PPP2R2D: variants seen among roughly 807,000 people sequenced by gnomAD.
PPP2R2D encodes serine/threonine-protein phosphatase 2A 55 kDa regulatory subunit B delta isoform.
A neutral mutation model predicts 31.1 loss-of-function variants in PPP2R2D; 9 were observed. The ratio of observed to expected loss-of-function variants is 0.29; its 90% CI spans 0.17 to 0.51. The LOEUF (loss-of-function observed/expected upper bound fraction) is 0.51, where lower values mean the gene tolerates loss of function less well. PPP2R2D is among the 20% of genes least tolerant of loss of function. PPP2R2D has a pLI of 0.98. For missense variants in PPP2R2D, 391 were observed against 465.6 expected (o/e 0.84, Z 1.48); for synonymous variants, 179 against 172.6 (o/e 1.04, Z -0.29).
intron 2 of PPP2R2D, among the ~76,000 whole-genome samples, chr10:131,917,167 G>T (rs2035816404): frequency 6.8e-6 from 1 of 146,178 alleles, no homozygotes; most frequent in African/African-American, 2.6e-5. Flanking sequence ...TCAGGCGGGT[G>T]GAATGACACA....
Position 131,918,142 on chromosome 10 carries a change from C to T in PPP2R2D, c.101-16316C>T, listed in dbSNP as rs1300739302. Among the ~76,000 whole-genome samples the T allele has an allele frequency of 1.1e-3, 127 of 120,712 alleles. 2 individuals are homozygous for T. The highest frequency in any genetic ancestry group is 4.1e-3 in the African/African-American group (125 of 30,188). The allele number at this position is 120,712 out of a possible 152,430, so 79.2% of individuals were successfully genotyped here. On this transcript the variant is annotated intron_variant, in intron 2 of 8. Coordinates refer to ENST00000455566, the MANE Select transcript of PPP2R2D (RefSeq NM_018461.5). ...TGTCAGTGTTTGTAGGGACCTCAGG[C>T]GGATGGAATGACACAGTGTAGGGAC...
downstream of PPP2R2D, among the ~76,000 whole-genome samples, chr10:131,961,321 G>T (rs1295140129): frequency 6.6e-6 from 1 of 152,174 alleles, no homozygotes; most frequent in East Asian, 1.9e-4. Flanking sequence ...TGGGTGGAGT[G>T]TAGACCAGAT....
downstream of PPP2R2D, among the ~76,000 whole-genome samples, chr10:131,963,089 C>A (rs2036943969): frequency 6.6e-6 from 1 of 152,156 alleles, no homozygotes; most frequent in Non-Finnish European, 1.5e-5. Flanking sequence ...CACTTGAACC[C>A]AGGAGGCGGA....
At chr10:131,912,547 C>T (rs1421091679) in intron 2 of PPP2R2D, 2 of 152,286 alleles carry the variant, frequency 1.3e-5, no homozygotes, top group Non-Finnish European at 2.9e-5. Context: ...ACTGGGCTTT[C>T]TGCTCAGCCA....
intron 2 of PPP2R2D, among the ~76,000 whole-genome samples, chr10:131,922,775 A>G (rs570762066): frequency 1.4e-4 from 22 of 152,316 alleles, no homozygotes; most frequent in African/African-American, 5.3e-4. Flanking sequence ...CTTAAAAAAA[A>G]TTGGAAAGTA....
At chr10:131,968,712 AATCT>A in the PPP2R2D span, 146 of 617,932 alleles carry the variant, frequency 2.4e-4, 1 homozygote, top group East Asian at 3.8e-3. Flanking sequence ...TTTTGTAATG[AATCT>A]ATCTGTGATC....
At chr10:131,927,412 C>CGGACGGGTGCGCGGGTT (rs2119818496) in intron 2 of PPP2R2D, among the ~76,000 whole-genome samples, 1 of 151,392 alleles carries the variant, frequency 6.6e-6, no homozygotes, top group East Asian at 1.9e-4. Context: ...GTGCGCGGGT[C>CGGACGGGTGCGCGGGTT]GGACGGGTGC....
chr10:131,965,869 C>G, the PPP2R2D span, among the ~76,000 whole-genome samples: 1 of 152,194 alleles, frequency 6.6e-6, no homozygotes, highest in South Asian at 2.1e-4. Flanking sequence ...CCTGGAATCC[C>G]TTCTCATCGC....
At chr10:131,962,441 C>T (rs2036938131), downstream of PPP2R2D, among the ~76,000 whole-genome samples, 1 of 152,152 alleles carries the variant, frequency 6.6e-6, no homozygotes. Flanking sequence ...AGTCACGTTC[C>T]GTTTTCATTT....
In PPP2R2D at chr10:131,947,244, C is replaced by G. The variant is rs1215352525; in HGVS notation, c.821-286C>G. Reference sequence around the variant, plus strand: ...TCCCACAGATGGCAGTGCCCAGGACCTTGCCTAGAGATTCTCATTCAGGGT... The same window carrying G: ...TCCCACAGATGGCAGTGCCCAGGACGTTGCCTAGAGATTCTCATTCAGGGT... On this transcript the variant is annotated intron_variant, in intron 7 of 8. Coordinates refer to ENST00000455566, the MANE Select transcript of PPP2R2D (RefSeq NM_018461.5). The surrounding 1 kb of genome is among the most constrained non-coding windows in gnomAD (Gnocchi z 4.3). 5.3e-5 allele frequency among the ~76,000 whole-genome samples: 8 copies of G among 152,202 alleles called. No individual in the cohort carries two copies. The highest frequency in any genetic ancestry group is 1.7e-4 in the African/African-American group (7 of 41,448).
chr10:131,908,393 C>T (rs1312588583), intron 2 of PPP2R2D, among the ~76,000 whole-genome samples: 1 of 152,196 alleles, frequency 6.6e-6, no homozygotes, highest in African/African-American at 2.4e-5. Flanking sequence ...CTCCCCTCAG[C>T]GTTCAGTGTC....
chr10:131,930,907 G>C (rs898796304), intron 2 of PPP2R2D, among the ~76,000 whole-genome samples: 5 of 152,120 alleles, frequency 3.3e-5, no homozygotes, highest in African/African-American at 1.2e-4. Flanking sequence ...TTTCCACTCT[G>C]CCCTTTGGAG....
chr10:131,957,160 G>A lies in PPP2R2D; in HGVS notation c.*1197G>A, dbSNP rs2036813722. 1 of 167,750 alleles carries A rather than the reference G, an allele frequency of 6.0e-6. No homozygotes were observed. The highest frequency in any genetic ancestry group is 1.3e-5 in the Non-Finnish European group (1 of 77,182). 10.4% of individuals were successfully genotyped at this position (167,750 alleles called of 1,614,324 possible). A position where few individuals can be genotyped will look rare whatever the true frequency, so the allele number is the denominator to read the frequency against. ...TACGTGTCCCCGAGGGGAGTGGGGAGTCGGGCTCCCGTGCCCCTGTGGAGA... is the reference window on the plus strand; with the variant it reads ...TACGTGTCCCCGAGGGGAGTGGGGAATCGGGCTCCCGTGCCCCTGTGGAGA... On this transcript the variant is annotated 3_prime_UTR_variant, in exon 9 of 9. Coordinates refer to ENST00000455566, the MANE Select transcript of PPP2R2D (RefSeq NM_018461.5).
chr10:131,923,589 C>T (rs1554894540), intron 2 of PPP2R2D, among the ~76,000 whole-genome samples: 2 of 152,134 alleles, frequency 1.3e-5, no homozygotes, highest in African/African-American at 4.8e-5. Flanking sequence ...TTTTTCTTCA[C>T]CTACGCTTGT....
intron 2 of PPP2R2D, among the ~76,000 whole-genome samples, chr10:131,932,834 G>A (rs1554895886): frequency 1.3e-5 from 2 of 152,054 alleles, no homozygotes; most frequent in Admixed American, 6.6e-5. Context: ...ATTGAGCACT[G>A]CAGTGTTTCT....
intron 8 of PPP2R2D, among the ~76,000 whole-genome samples, chr10:131,953,777 G>T (rs540716568): frequency 6.8e-6 from 1 of 146,418 alleles, no homozygotes; most frequent in South Asian, 2.2e-4. Context: ...GCGAGTGTGC[G>T]GGGGGTTCAC....
chr10:131,962,266 C>A (rs1350670189), downstream of PPP2R2D, among the ~76,000 whole-genome samples: 1 of 152,222 alleles, frequency 6.6e-6, no homozygotes, highest in Non-Finnish European at 1.5e-5. Context: ...TTCGTGAAGT[C>A]ATCATCACGC....
chr10:131,922,782 A>T (rs1271919485), intron 2 of PPP2R2D, among the ~76,000 whole-genome samples: 10 of 152,188 alleles, frequency 6.6e-5, no homozygotes, highest in African/African-American at 2.4e-4. Flanking sequence ...AAAATTGGAA[A>T]GTAGCCAAAA....
At chr10:131,940,756 G>A in intron 5 of PPP2R2D, 62 bp downstream of exon 5, 1 of 715,094 alleles carries the variant, frequency 1.4e-6, no homozygotes, top group Non-Finnish European at 2.6e-6. Flanking sequence ...GTTTCAGTCT[G>A]CTGTCTGGAG....
Sources: gnomAD v4.1 joint callset for allele counts (sites outside exome capture counted in the v4.1 genomes callset) on GRCh38, gnomAD v4.1.1 for gene constraint, Gnocchi (gnomAD v3.1) non-coding constraint, MANE v1.5 for transcripts, NCBI Gene and HGNC (gene_info 2026-07-23, HGNC 2026-07-21) for gene names.